EPN1: variants seen among roughly 807,000 people sequenced by gnomAD.
The protein encoded by EPN1 is epsin 1.
EPN1 carries 25 observed loss-of-function variants against 56.9 expected under a neutral mutation model. The observed-to-expected ratio is 0.44, with a 90% confidence interval of 0.32 to 0.61. EPN1 has a LOEUF of 0.61. EPN1 is among the 20% of genes least tolerant of loss of function. The probability of loss-of-function intolerance (pLI) is 0.05; values close to 1 mark genes in which losing one functional copy is unlikely to be tolerated. For synonymous variants in EPN1, 411 were observed against 361.8 expected (o/e 1.14, Z -1.54); for missense variants, 785 against 823.7 (o/e 0.95, Z 0.58).
Position 55,688,947 on chromosome 19 carries a change from C to G in EPN1, c.556C>G (p.Leu186Val). ...GCCGCAGAGCAGCGGGGAGGAGGAGCTGCAGCTCCAGCTGGCCCTGGCCAT... is the reference window on the plus strand; with the variant it reads ...GCCGCAGAGCAGCGGGGAGGAGGAGGTGCAGCTCCAGCTGGCCCTGGCCAT... The part of the protein sequence containing the change: ...AWPQSSGEEE[L>V]QLQLALAMSK... The change falls in exon 4 of 11, where the codon CTG becomes GTG. Residue 186 changes from leucine to valine, a missense_variant. Coordinates refer to ENST00000270460, the MANE Select transcript of EPN1 (RefSeq NM_001130072.2). 1 of 1,599,124 alleles carries G rather than the reference C, an allele frequency of 6.3e-7. No homozygotes were observed. The highest frequency in any genetic ancestry group is 1.1e-5 in the South Asian group (1 of 88,636).
intron 2 of EPN1, chr19:55,680,577 T>G (rs2122167581): frequency 6.6e-6 from 1 of 152,488 alleles, no homozygotes; most frequent in East Asian, 1.9e-4. Flanking sequence ...TTGCTGCTTG[T>G]GCTGCCTGCT....
Position 55,685,537 on chromosome 19 carries a change from C to T in EPN1, c.370C>T (p.Arg124Cys), listed in dbSNP as rs1375175689. ...CGGCAAGGACCAGGGCGTGAACGTG[C>T]GTGAGAAAGCTAAGCAGCTGGTGGC... is the stretch of plus-strand genomic sequence containing the variant. The part of the protein sequence containing the change: ...RDGKDQGVNV[R>C]EKAKQLVALL... Residue 124 changes from arginine to cysteine, a missense_variant, in exon 3 of 11, where the codon CGT becomes TGT. By Grantham distance (180) the Arg-to-Cys change is radical. This residue lies in a region of EPN1 where 135 missense variants were observed against 218.7 expected (regional missense o/e 0.62). Transcript: ENST00000270460. The T allele has an allele frequency of 6.2e-7, 1 of 1,612,328 alleles. No homozygotes were observed. Among genetic ancestry groups the T allele is most frequent in the Non-Finnish European group, 8.5e-7 (1 of 1,179,222 alleles).
At chr19:55,688,404 C>T (rs77250423) in intron 3 of EPN1, among the ~76,000 whole-genome samples, 6,469 of 152,152 alleles carry the variant, frequency 0.043, 168 homozygotes, top group African/African-American at 0.06. Flanking sequence ...CCTTGGATCC[C>T]GCTGTCTCAA....
intron 3 of EPN1, among the ~76,000 whole-genome samples, chr19:55,685,995 T>C (rs1986145428): frequency 6.6e-6 from 1 of 152,142 alleles, no homozygotes. Context: ...GAGGGTGCTG[T>C]CCTTCTCTCT....
At chr19:55,690,830 T>C (rs544718393) in intron 6 of EPN1, among the ~76,000 whole-genome samples, 1 of 152,274 alleles carries the variant, frequency 6.6e-6, no homozygotes, top group African/African-American at 2.4e-5. Flanking sequence ...AGTGGGACTT[T>C]CTTGGTAGAC....
At chr19:55,681,288 T>A (rs1048940701) in intron 2 of EPN1, among the ~76,000 whole-genome samples, 13 of 152,222 alleles carry the variant, frequency 8.5e-5, no homozygotes, top group African/African-American at 2.4e-4. Flanking sequence ...ACGGTTACCC[T>A]GTAAAGGAAG....
Position 55,709,307 on chromosome 19 carries a change from A to G in EPN1, c.*13951A>G, listed in dbSNP as rs1600120799. The G allele has an allele frequency of 1.3e-5, 3 of 229,290 alleles. No individual in the cohort carries two copies. In the East Asian group the frequency reaches 2.9e-4, roughly 22 times the overall value. 14.2% of individuals were successfully genotyped at this position (229,290 alleles called of 1,614,324 possible). ...AAGATGAATTTAAGTTAAAAAGAAAAACACAGGATAACTTCCATTCATCTG... is the reference window on the plus strand; with the variant it reads ...AAGATGAATTTAAGTTAAAAAGAAAGACACAGGATAACTTCCATTCATCTG... On this transcript the variant is annotated 3_prime_UTR_variant, in exon 11 of 11. Coordinates refer to ENST00000270460, the MANE Select transcript of EPN1 (RefSeq NM_001130072.2).
chr19:55,699,374 A>G lies in EPN1; in HGVS notation c.*4018A>G, dbSNP rs956114454. On this transcript the variant is annotated 3_prime_UTR_variant, in exon 11 of 11. Coordinates refer to ENST00000270460, the MANE Select transcript of EPN1 (RefSeq NM_001130072.2). ...GTGGCGTGAGCCATTGCGTCCGGCCAGAAATGTTTTATTTCTTGAGAACTT... is the reference window on the plus strand; with the variant it reads ...GTGGCGTGAGCCATTGCGTCCGGCCGGAAATGTTTTATTTCTTGAGAACTT... The G allele has an allele frequency of 2.0e-5, 3 of 152,150 alleles. No individual in the cohort carries two copies. The highest frequency in any genetic ancestry group is 4.1e-4 in the South Asian group (2 of 4,828). 9.4% of individuals were successfully genotyped at this position (152,150 alleles called of 1,614,324 possible).
At chr19:55,686,450 A>G (rs1332479151) in intron 3 of EPN1, among the ~76,000 whole-genome samples, 1 of 152,076 alleles carries the variant, frequency 6.6e-6, no homozygotes, top group East Asian at 1.9e-4. Flanking sequence ...CTGCTAGAGC[A>G]CTGCCCTGGA....
chr19:55,677,040 C>T, intron 1 of EPN1: 2 of 1,441,378 alleles, frequency 1.4e-6, no homozygotes, highest in South Asian at 2.6e-5. Context: ...CTACATCTGT[C>T]TTCAGGTGCC....
rs569544315 is a variant in EPN1, at chr19:55,694,691, T to C, written c.1265-35T>C. ...CCCGGGTTGGAGCCTCACTGCTGTCTGCCCTGTCTGAGCCCCTCTCCCGGA... is the reference window on the plus strand; with the variant it reads ...CCCGGGTTGGAGCCTCACTGCTGTCCGCCCTGTCTGAGCCCCTCTCCCGGA... On this transcript the variant is annotated intron_variant, in intron 9 of 10. Transcript: ENST00000270460. This position sits in a 1 kb window ranked among gnomAD's most constrained non-coding sequence, Gnocchi z 4.2. The C allele has an allele frequency of 2.6e-5, 40 of 1,526,724 alleles. No individual in the cohort carries two copies. In the South Asian group the frequency reaches 5.0e-4, roughly 19 times the overall value. The allele number at this position is 1,526,724 out of a possible 1,614,324, so 94.6% of individuals were successfully genotyped here.
chr19:55,692,827 G>A (rs530465997), intron 8 of EPN1, 31 bp downstream of exon 8: 55 of 1,581,722 alleles, frequency 3.5e-5, no homozygotes, highest in Non-Finnish European at 4.2e-5. Context: ...ATGGAGCCCC[G>A]GGTGGGAGTG....
chr19:55,677,489 CGGGT>C (rs1985516220), intron 1 of EPN1: 1 of 958,640 alleles, frequency 1.0e-6, no homozygotes, highest in Non-Finnish European at 1.6e-6. Context: ...AGGTGGGCCT[CGGGT>C]TGAGTCTGCC....
In EPN1 at chr19:55,678,536, C is replaced by T. The variant is rs2122160151; in HGVS notation, c.-92C>T. On this transcript the variant is annotated 5_prime_UTR_variant, in exon 2 of 11. Coordinates refer to ENST00000270460, the MANE Select transcript of EPN1 (RefSeq NM_001130072.2). ...CCTCTTCCCCTCGCAGATGCGGTGACCTGCCAGCACCTGCCGCAGCCTTCG... is the reference window on the plus strand; with the variant it reads ...CCTCTTCCCCTCGCAGATGCGGTGATCTGCCAGCACCTGCCGCAGCCTTCG... 1 of 1,543,202 alleles carries T rather than the reference C, an allele frequency of 6.5e-7. No homozygotes were observed. Among genetic ancestry groups the T allele is most frequent in the Non-Finnish European group, 8.7e-7 (1 of 1,146,792 alleles).
At chr19:55,692,272 G>A (rs1386167338) in intron 7 of EPN1, among the ~76,000 whole-genome samples, 2 of 152,078 alleles carry the variant, frequency 1.3e-5, no homozygotes, top group Admixed American at 1.3e-4. Context: ...TGTGCTGTGG[G>A]GAGGGGATGG....
At position 55,693,035 on chromosome 19, in the gene EPN1, C is replaced by CAGG; in HGVS notation, c.1263_1264+1dup. 1 of 1,612,350 alleles carries CAGG rather than the reference C, an allele frequency of 6.2e-7. No individual in the cohort carries two copies. Among genetic ancestry groups the CAGG allele is most frequent in the Non-Finnish European group, 8.5e-7 (1 of 1,178,852 alleles). On this transcript the variant is annotated inframe_insertion and splice_region_variant, in exon 9 of 11. Coordinates refer to ENST00000270460, the MANE Select transcript of EPN1 (RefSeq NM_001130072.2). ...GCACTGCCGACCTCCGGGAGCAGCG[C>CAGG]AGGTGAGCCCCTGCCCTCCCCTGCC...
chr19:55,692,026 GC>G lies in EPN1; in HGVS notation c.1038del (p.Thr347ArgfsTer95). 1 of 1,464,182 alleles carries G rather than the reference GC, an allele frequency of 6.8e-7. No homozygotes were observed. The highest frequency in any genetic ancestry group is 9.0e-7 in the Non-Finnish European group (1 of 1,115,132). 90.7% of individuals were successfully genotyped at this position (1,464,182 alleles called of 1,614,324 possible). A position where few individuals can be genotyped will look rare whatever the true frequency, so the allele number is the denominator to read the frequency against. On this transcript the variant is annotated frameshift_variant, in exon 7 of 11. Coordinates refer to ENST00000270460, the MANE Select transcript of EPN1 (RefSeq NM_001130072.2). LOFTEE classifies it high-confidence loss of function. ...CCCCAGCCCCTGCAGCTGGGGAGGG[GC>G]CCACGCCTGATCCATGGGGAAGTTC... Reference protein sequence around the residue: ...GTPAPAAGEGPTPDPWGSSDG... With the variant: ...GTPAPAAGEGXTPDPWGSSDG...
intron 9 of EPN1, chr19:55,693,422 T>G: frequency 6.2e-6 from 1 of 162,146 alleles, no homozygotes. Flanking sequence ...GAGGCTCCCC[T>G]TCCGGGTCGC....
In EPN1 at chr19:55,704,609, C is replaced by G. The variant is rs1987304999; in HGVS notation, c.*9253C>G. ...GCTGGCGGTACTTTGTTATGACAGC[C>G]CTAACATGAATGCAGCCATCCACAC... On this transcript the variant is annotated 3_prime_UTR_variant, in exon 11 of 11. Coordinates refer to ENST00000270460, the MANE Select transcript of EPN1 (RefSeq NM_001130072.2). 1 of 152,234 alleles carries G rather than the reference C, an allele frequency of 6.6e-6. No individual in the cohort carries two copies. Among genetic ancestry groups the G allele is most frequent in the Non-Finnish European group, 1.5e-5 (1 of 68,098 alleles). The allele number at this position is 152,234 out of a possible 1,614,324, so 9.4% of individuals were successfully genotyped here. A position where few individuals can be genotyped will look rare whatever the true frequency, so the allele number is the denominator to read the frequency against.
Sources: allele counts gnomAD v4.1 joint callset (sites outside exome capture counted in the v4.1 genomes callset), GRCh38; gene constraint gnomAD v4.1.1; regional missense constraint gnomAD v4.1.1; non-coding constraint Gnocchi (gnomAD v3.1); transcripts MANE v1.5; gene names NCBI Gene and HGNC (gene_info 2026-07-23, HGNC 2026-07-21).